Variants in RYR1 observed in about 807,000 individuals in gnomAD.
The protein encoded by RYR1 is central core disease of muscle.
Under a neutral mutation model 583.5 loss-of-function variants are expected in RYR1, and 342 were observed. The ratio of observed to expected loss-of-function variants is 0.59; its 90% CI spans 0.54 to 0.64. RYR1 has a LOEUF of 0.64. Ranked by LOEUF, RYR1 falls within the 30% of genes least tolerant of loss-of-function variation. RYR1 has a pLI of 0.00. For missense variants in RYR1, 6,032 were observed against 6,917.2 expected (o/e 0.87, Z 4.54); for synonymous variants, 2,791 against 2,822.5 (o/e 0.99, Z 0.35).
At chr19:38,498,984 GCC>G (rs1250308753) in intron 42 of RYR1, 122 bp from the exon 43 acceptor site, 1 of 1,298,072 alleles carries the variant, frequency 7.7e-7, no homozygotes, top group East Asian at 2.5e-5. Context: ...GGGCTAATGG[GCC>G]GAGGGATCAG....
rs769840643 is a variant in RYR1, at chr19:38,448,640, C to T, written c.958-9C>T. The T allele has an allele frequency of 1.9e-6, 3 of 1,614,100 alleles. No individual in the cohort carries two copies. Among genetic ancestry groups the T allele is most frequent in the South Asian group, 2.2e-5 (2 of 91,094 alleles). On this transcript the variant is annotated splice_polypyrimidine_tract_variant and intron_variant, in intron 10 of 105. Transcript: ENST00000359596. ...AGAGGAGGCTGACCTGTGTCCCCTG[C>T]CCCTGTAGGAGAAGCTGGATGTGGC...
chr19:38,585,302 G>A (rs2145914603), intron 102 of RYR1, among the ~76,000 whole-genome samples: 1 of 151,564 alleles, frequency 6.6e-6, no homozygotes, highest in African/African-American at 2.4e-5. Context: ...CATAGGTTGT[G>A]ATCAGGATTA....
rs1008980757 is a variant in RYR1 at position 38,500,206 on chromosome 19, G to A, written c.7323+190G>A. ...CTCACAGAGCTCCCAGTCCAATGGG[G>A]GAGACGGACAGTGACACCCAGAGTG... is the stretch of plus-strand genomic sequence containing the variant. On this transcript the variant is annotated intron_variant, in intron 45 of 105. Transcript: ENST00000359596. The surrounding 1 kb of genome is among the most constrained non-coding windows in gnomAD (Gnocchi z 5.9). Among the ~76,000 whole-genome samples the A allele has an allele frequency of 2.0e-5, 3 of 152,116 alleles. No homozygotes were observed. Among genetic ancestry groups the A allele is most frequent in the Non-Finnish European group, 2.9e-5 (2 of 68,014 alleles).
chr19:38,487,261 C>T (rs1243580449), intron 34 of RYR1, among the ~76,000 whole-genome samples: 3 of 152,178 alleles, frequency 2.0e-5, no homozygotes, highest in African/African-American at 7.2e-5. Context: ...TACCCGTTCC[C>T]TATCCTTCTC....
chr19:38,496,799 C>T lies in RYR1; in HGVS notation c.6797-61C>T, dbSNP rs1969850552. 1 of 1,515,966 alleles carries T rather than the reference C, an allele frequency of 6.6e-7. No homozygotes were observed. The highest frequency in any genetic ancestry group is 9.2e-7 in the Non-Finnish European group (1 of 1,092,118). The allele number at this position is 1,515,966 out of a possible 1,614,324, so 93.9% of individuals were successfully genotyped here. On this transcript the variant is annotated intron_variant, in intron 41 of 105. Transcript: ENST00000359596. The surrounding 1 kb of genome is among the most constrained non-coding windows in gnomAD (Gnocchi z 4.8). ...CTGGAAAAAGGGTGGTCAGGGAGGGCTTCCCAGAGGAGGCGAGACAAGCAG... is the reference window on the plus strand; with the variant it reads ...CTGGAAAAAGGGTGGTCAGGGAGGGTTTCCCAGAGGAGGCGAGACAAGCAG...
chr19:38,498,082 G>A (rs540613526), intron 42 of RYR1, among the ~76,000 whole-genome samples: 5 of 152,284 alleles, frequency 3.3e-5, no homozygotes, highest in East Asian at 1.9e-4. Flanking sequence ...TCTAGGCAGC[G>A]GGAACAGCCA....
chr19:38,510,653 T>A lies in RYR1; in HGVS notation c.9001-7T>A. 6.2e-7 allele frequency: 1 copy of A among 1,613,616 alleles called. No homozygotes were observed. The highest frequency in any genetic ancestry group is 8.5e-7 in the Non-Finnish European group (1 of 1,179,890). On this transcript the variant is annotated splice_polypyrimidine_tract_variant and splice_region_variant and intron_variant, in intron 59 of 105. Transcript: ENST00000359596. ...TGGACCCTTTATCTCCCCCAACCCG[T>A]CTCCAGATCCTGCTCCCTTTGATCA...
At chr19:38,581,884 A>G (rs527738558) in intron 101 of RYR1, among the ~76,000 whole-genome samples, 23 of 152,140 alleles carry the variant, frequency 1.5e-4, no homozygotes, top group Admixed American at 2.6e-4. Flanking sequence ...CTGGGATTAC[A>G]GATGTGAGCA....
intron 66 of RYR1, among the ~76,000 whole-genome samples, chr19:38,518,725 T>TC: frequency 6.6e-6 from 1 of 152,086 alleles, no homozygotes; most frequent in African/African-American, 2.4e-5. Context: ...GGTCAGGAGT[T>TC]CGAGACCAGC....
Position 38,461,883 on chromosome 19 carries a change from C to T in RYR1, c.2577+1292C>T, listed in dbSNP as rs563348657. Among the ~76,000 whole-genome samples the T allele has an allele frequency of 3.9e-5, 6 of 152,080 alleles. No homozygotes were observed. In the South Asian group the frequency reaches 6.2e-4, roughly 16 times the overall value. ...CAGCCTGGCCAACATGGTGAAACCC[C>T]ATCTCTACTGAAAATACAAAAATGA... On this transcript the variant is annotated intron_variant, in intron 20 of 105. Coordinates refer to ENST00000359596, the MANE Select transcript of RYR1 (RefSeq NM_000540.3).
At chr19:38,546,347 C>A in intron 87 of RYR1, 98 bp from the exon 88 acceptor site, 1 of 991,330 alleles carries the variant, frequency 1.0e-6, no homozygotes, top group Non-Finnish European at 1.6e-6. Flanking sequence ...GGGGAGAAAA[C>A]GGGTTTAGGC....
chr19:38,482,888 T>A, intron 31 of RYR1, 139 bp from the exon 32 acceptor site: 6 of 765,902 alleles, frequency 7.8e-6, no homozygotes, highest in Non-Finnish European at 1.2e-5. Context: ...TGGGACAGTC[T>A]AAGGGTGACC....
intron 89 of RYR1, among the ~76,000 whole-genome samples, chr19:38,551,695 G>A (rs910991253): frequency 1.3e-5 from 2 of 152,038 alleles, no homozygotes; most frequent in African/African-American, 4.8e-5. Flanking sequence ...CATCTTGGCA[G>A]CCTTTGTCAC....
At chr19:38,478,286 C>T (rs1046256395) in intron 30 of RYR1, 149 bp from the exon 31 acceptor site, 8 of 828,292 alleles carry the variant, frequency 9.7e-6, no homozygotes, top group South Asian at 3.0e-5. Flanking sequence ...GTGTCCGGGG[C>T]GAGGGGTTTC....
At chr19:38,550,454 T>A (rs892709065) in intron 89 of RYR1, among the ~76,000 whole-genome samples, 1 of 152,212 alleles carries the variant, frequency 6.6e-6, no homozygotes, top group Non-Finnish European at 1.5e-5. Context: ...AAGTGATGTG[T>A]CCTCAGTGTA....
At position 38,517,628 on chromosome 19, in the gene RYR1, A is replaced by G. The variant is rs1166296845; in HGVS notation, c.9955A>G (p.Ile3319Val). ...SDHLNSLLGN[I>V]LRIIVNNLGI... is the part of the protein sequence containing the mutation. The stretch of plus-strand genomic sequence containing the variant: ...CCACCTCAACTCCCTGCTGGGGAAT[A>G]TCCTGAGAATCATCGTCAACAACCT... The change falls in exon 66 of 106, where the codon ATC becomes GTC. Residue 3319 changes from isoleucine to valine, a missense_variant. Physicochemically the swap from Ile to Val is conservative, Grantham distance 29. This residue lies in a region of RYR1 where 1,493 missense variants were observed against 1,715.5 expected (regional missense o/e 0.87). Coordinates refer to ENST00000359596, the MANE Select transcript of RYR1 (RefSeq NM_000540.3). The G allele has an allele frequency of 6.2e-7, 1 of 1,613,990 alleles. No homozygotes were observed. The highest frequency in any genetic ancestry group is 8.5e-7 in the Non-Finnish European group (1 of 1,180,028).
In RYR1 at chr19:38,473,675, G is replaced by A; in HGVS notation, c.4064G>A (p.Gly1355Asp). The A allele has an allele frequency of 6.4e-7, 1 of 1,551,264 alleles. No individual in the cohort carries two copies. The highest frequency in any genetic ancestry group is 1.2e-5 in the South Asian group (1 of 84,114). Residue 1355 changes from glycine to aspartate, a missense_variant, in exon 28 of 106, where the codon GGC (glycine) becomes GAC (aspartate). Transcript: ENST00000359596. ...GGCAAAGAAGGGACTGCGAAGGAGGGCGCCCCCGGGGGCACCCCGCAGGCG... is the reference window on the plus strand; with the variant it reads ...GGCAAAGAAGGGACTGCGAAGGAGGACGCCCCCGGGGGCACCCCGCAGGCG... The part of the protein sequence containing the change: ...ENGKEGTAKE[G>D]APGGTPQAGG...
chr19:38,484,323 C>A (rs941932734), intron 33 of RYR1, among the ~76,000 whole-genome samples: 3 of 151,850 alleles, frequency 2.0e-5, no homozygotes, highest in Admixed American at 2.0e-4. Context: ...GGGAGGAATC[C>A]CAGACTCACC....
Position 38,550,371 on chromosome 19 carries a change from G to A in RYR1, c.12282+1951G>A, listed in dbSNP as rs796692560. Reference sequence around the variant, plus strand: ...CAGGCAAACTGTTTTGTAAAATGTCGTTCAGTGTGGGTTTGTCTGAGTTTT... The same window carrying A: ...CAGGCAAACTGTTTTGTAAAATGTCATTCAGTGTGGGTTTGTCTGAGTTTT... On this transcript the variant is annotated intron_variant, in intron 89 of 105. Transcript: ENST00000359596. Among the ~76,000 whole-genome samples, 9 of 152,162 alleles carry A rather than the reference G, an allele frequency of 5.9e-5. 1 individual carries two copies. The highest frequency in any genetic ancestry group is 2.6e-4 in the Admixed American group (4 of 15,244).
Sources: gnomAD v4.1 joint callset for allele counts (sites outside exome capture counted in the v4.1 genomes callset) on GRCh38, gnomAD v4.1.1 for gene constraint, gnomAD v4.1.1 regional missense constraint, Gnocchi (gnomAD v3.1) non-coding constraint, MANE v1.5 for transcripts, NCBI Gene and HGNC (gene_info 2026-07-23, HGNC 2026-07-21) for gene names.